The following MPHOSPH9 variants were observed in gnomAD, a reference collection of about 807,000 sequenced individuals.
MPHOSPH9 encodes M-phase phosphoprotein 9.
In MPHOSPH9, 88 loss-of-function variants were observed where a neutral mutation model predicts 145.5. The ratio of observed to expected loss-of-function variants is 0.60; its 90% CI spans 0.51 to 0.72. The LOEUF is 0.72. Among genes scored for constraint, MPHOSPH9 ranks in the 30% least tolerant of loss-of-function variants. MPHOSPH9 has a pLI of 0.00. For synonymous variants in MPHOSPH9, 435 were observed against 486.2 expected, an observed-to-expected ratio of 0.89 and a Z score of 1.39; for missense variants, 1,238 against 1,386.6, an observed-to-expected ratio of 0.89 and a Z score of 1.70.
chr12:123,205,675 G>A (rs1291201923), intron 8 of MPHOSPH9, among the ~76,000 whole-genome samples: 2 of 152,178 alleles, frequency 1.3e-5, no homozygotes, highest in East Asian at 3.8e-4. Context: ...TATGGCCACA[G>A]CCTGGTGGTC....
At chr12:123,203,594 G>A (rs1266003068) in intron 8 of MPHOSPH9, among the ~76,000 whole-genome samples, 3 of 152,138 alleles carry the variant, frequency 2.0e-5, no homozygotes, top group African/African-American at 7.2e-5. Flanking sequence ...GGACACTAAG[G>A]GGATAATGTG....
At chr12:123,204,096 A>G (rs2046324317) in intron 8 of MPHOSPH9, among the ~76,000 whole-genome samples, 2 of 152,242 alleles carry the variant, frequency 1.3e-5, no homozygotes, top group South Asian at 4.1e-4. Context: ...TGAAGTCGAG[A>G]GTTTGAGACC....
chr12:123,227,900 A>G (rs1278353339), intron 2 of MPHOSPH9, among the ~76,000 whole-genome samples: 1 of 152,226 alleles, frequency 6.6e-6, no homozygotes, highest in Admixed American at 6.5e-5. Context: ...GTGCTAAACA[A>G]TAAGATTAAT....
chr12:123,202,483 T>A, intron 10 of MPHOSPH9, 141 bp downstream of exon 10: 1 of 1,197,238 alleles, frequency 8.4e-7, no homozygotes, highest in Non-Finnish European at 1.1e-6. Flanking sequence ...AACAATCAAG[T>A]GAAAAAGTTT....
intron 8 of MPHOSPH9, among the ~76,000 whole-genome samples, chr12:123,208,465 A>G (rs2138427838): frequency 6.7e-6 from 1 of 148,242 alleles, no homozygotes; most frequent in Admixed American, 6.9e-5. Flanking sequence ...TGAACCCGGG[A>G]GGCAGAGGTT....
chr12:123,152,596 A>G (rs777727903), downstream of MPHOSPH9: 4 of 456,574 alleles, frequency 8.8e-6, no homozygotes, highest in South Asian at 6.2e-5. Flanking sequence ...ATGCACATTT[A>G]TGGCTTGATT....
chr12:123,212,441 G>C (rs897509864), intron 7 of MPHOSPH9, among the ~76,000 whole-genome samples: 1 of 152,118 alleles, frequency 6.6e-6, no homozygotes, highest in Non-Finnish European at 1.5e-5. Context: ...TGTAATCCCA[G>C]CACTTTGGGA....
intron 3 of MPHOSPH9, 34 bp downstream of exon 3, chr12:123,227,429 T>C (rs1394333906): frequency 7.2e-7 from 1 of 1,396,234 alleles, no homozygotes; most frequent in South Asian, 1.6e-5. Flanking sequence ...ACATAATTAT[T>C]TTAAAATTCC....
At chr12:123,205,500 C>T (rs1292254992) in intron 8 of MPHOSPH9, among the ~76,000 whole-genome samples, 3 of 151,876 alleles carry the variant, frequency 2.0e-5, no homozygotes, top group Admixed American at 6.6e-5. Flanking sequence ...GAGCTGAGAT[C>T]GCACCACTGC....
At chr12:123,170,502 A>G (rs1790097) in intron 16 of MPHOSPH9, among the ~76,000 whole-genome samples, 128,324 of 152,044 alleles carry the variant, frequency 0.84, 54,538 homozygotes, top group East Asian at 1. Context: ...GGCTGGTCTC[A>G]AACTCCTGGG....
At chr12:123,222,628 T>C (rs1342887065) in intron 4 of MPHOSPH9, among the ~76,000 whole-genome samples, 1 of 152,134 alleles carries the variant, frequency 6.6e-6, no homozygotes, top group African/African-American at 2.4e-5. Context: ...CACTCCAGCC[T>C]GGGCAACAGA....
intron 1 of MPHOSPH9, among the ~76,000 whole-genome samples, chr12:123,242,489 C>T (rs2047956174): frequency 6.6e-6 from 1 of 152,064 alleles, no homozygotes; most frequent in Non-Finnish European, 1.5e-5. Flanking sequence ...ATTTTTTTGG[C>T]CTTTGGGGAA....
intron 8 of MPHOSPH9, among the ~76,000 whole-genome samples, chr12:123,205,400 G>C (rs533228314): frequency 6.6e-6 from 1 of 152,174 alleles, no homozygotes; most frequent in South Asian, 2.1e-4. Context: ...ACAAAAATTA[G>C]CCGGGTGTGG....
At chr12:123,205,348 C>A (rs2046380635) in intron 8 of MPHOSPH9, among the ~76,000 whole-genome samples, 1 of 152,142 alleles carries the variant, frequency 6.6e-6, no homozygotes, top group Admixed American at 6.5e-5. Context: ...AAGTTCGACA[C>A]CGGCCTGGCC....
intron 14 of MPHOSPH9, among the ~76,000 whole-genome samples, chr12:123,180,930 T>C (rs763683165): frequency 2.4e-4 from 36 of 152,224 alleles, no homozygotes; most frequent in Non-Finnish European, 4.4e-4. Flanking sequence ...TCATTTCAAA[T>C]GCAATAGCCA....
intron 13 of MPHOSPH9, among the ~76,000 whole-genome samples, chr12:123,181,535 C>T (rs1285544301): frequency 6.7e-6 from 1 of 149,730 alleles, no homozygotes; most frequent in African/African-American, 2.5e-5. Context: ...AGCGAGACCT[C>T]GTCTCTTCAA....
At chr12:123,220,769 A>G (rs988539480) in intron 5 of MPHOSPH9, among the ~76,000 whole-genome samples, 1 of 151,794 alleles carries the variant, frequency 6.6e-6, no homozygotes, top group Non-Finnish European at 1.5e-5. Context: ...AGAAAAAAAA[A>G]TTGTGGCTGG....
At chr12:123,188,760 A>G (rs573448515) in intron 13 of MPHOSPH9, among the ~76,000 whole-genome samples, 1 of 152,366 alleles carries the variant, frequency 6.6e-6, no homozygotes, top group South Asian at 2.1e-4. Flanking sequence ...AGGCAGGGGA[A>G]TCGCTTGAAC....
intron 6 of MPHOSPH9, among the ~76,000 whole-genome samples, chr12:123,215,452 A>G (rs1440782018): frequency 6.6e-6 from 1 of 152,194 alleles, no homozygotes; most frequent in Non-Finnish European, 1.5e-5. Flanking sequence ...CTTCCAAAAC[A>G]AATTTGAAGT....
Sources: allele counts gnomAD v4.1 joint callset (sites outside exome capture counted in the v4.1 genomes callset), GRCh38; gene constraint gnomAD v4.1.1; transcripts MANE v1.5; gene names NCBI Gene and HGNC (gene_info 2026-07-23, HGNC 2026-07-21).